Variants in ERCC2 observed in about 807,000 individuals in gnomAD.
ERCC2 encodes the protein general transcription and DNA repair factor IIH helicase subunit XPD.
Under a neutral mutation model 99.4 loss-of-function variants are expected in ERCC2, and 90 were observed. The observed-to-expected ratio is 0.91, with a 90% CI of 0.76 to 1.08. ERCC2 has a LOEUF of 1.08. Ranked by LOEUF, ERCC2 falls within the 50% of genes least tolerant of loss-of-function variation. ERCC2 has a pLI of 0.00. For missense variants in ERCC2, 993 were observed against 1,038.1 expected (o/e 0.96, Z 0.60); for synonymous variants, 497 against 432.4 (o/e 1.15, Z -1.85).
chr19:45,354,787 C>T lies in ERCC2; in HGVS notation c.1608G>A (p.Val536=), dbSNP rs763936572. 2 of 1,614,138 alleles carry T rather than the reference C, an allele frequency of 1.2e-6. No homozygotes were observed. Among genetic ancestry groups the T allele is most frequent in the Admixed American group, 3.3e-5 (2 of 60,028 alleles). Reference sequence around the variant, plus strand: ...TGTACTGGTAGCTGGTGAAGAAGGCCACGATGCCATCAGGGACCACAGCGG... The same window carrying T: ...TGTACTGGTAGCTGGTGAAGAAGGCTACGATGCCATCAGGGACCACAGCGG... ...EMSAVVPDGI[V]AFFTSYQYME... is the part of the protein sequence containing the mutation. Residue 536 remains valine, a synonymous_variant, in exon 17 of 23, where the codon GTG becomes GTA. Transcript: ENST00000391945.
chr19:45,356,350 C>T (rs1972012412), intron 15 of ERCC2, among the ~76,000 whole-genome samples: 1 of 152,180 alleles, frequency 6.6e-6, no homozygotes, highest in Admixed American at 6.5e-5. Context: ...AAAACCTGCC[C>T]TGCCCCGAGT....
intron 12 of ERCC2, among the ~76,000 whole-genome samples, chr19:45,359,282 T>C (rs1463361508): frequency 2.6e-5 from 4 of 151,870 alleles, no homozygotes; most frequent in Non-Finnish European, 5.9e-5. Context: ...AGATGGGAAA[T>C]AGTGGGTAGA....
rs147754569 is a variant in ERCC2, at chr19:45,369,009, G to T, written c.184-17C>A. On this transcript the variant is annotated splice_polypyrimidine_tract_variant and intron_variant, in intron 3 of 22. Transcript: ENST00000391945. ...CGGATATGCCTGCCGATAACAAGCG[G>T]ACTCAGTCCCTGTCCCGCCCCTTCC... 1.1e-5 allele frequency: 17 copies of T among 1,614,172 alleles called. No homozygotes were observed. The African/African-American group carries it at 1.7e-4, about 16-fold the overall frequency.
chr19:45,354,539 C>A (rs1408989813), intron 17 of ERCC2, among the ~76,000 whole-genome samples, 191 bp downstream of exon 17: 2 of 152,186 alleles, frequency 1.3e-5, no homozygotes, highest in Non-Finnish European at 2.9e-5. Flanking sequence ...TATCTGCATT[C>A]TCAGCCTGAT....
rs1031395038 is a variant in ERCC2, at chr19:45,357,557, A to G, written c.1308-14T>C. The stretch of plus-strand genomic sequence containing the variant: ...GCGTCCATGCAGCTGGAGAGAGATG[A>G]GGGCAGTGAGGGCCCGGGGGGCTGG... On this transcript the variant is annotated splice_polypyrimidine_tract_variant and intron_variant, in intron 13 of 22. Transcript: ENST00000391945. 6.2e-7 allele frequency: 1 copy of G among 1,613,948 alleles called. No individual in the cohort carries two copies. Among genetic ancestry groups the G allele is most frequent in the Non-Finnish European group, 8.5e-7 (1 of 1,179,974 alleles).
At position 45,350,974 on chromosome 19, in the gene ERCC2, T is replaced by C; in HGVS notation, c.*655A>G. 1 of 1,613,984 alleles carries C rather than the reference T, an allele frequency of 6.2e-7. No homozygotes were observed. Among genetic ancestry groups the C allele is most frequent in the Non-Finnish European group, 8.5e-7 (1 of 1,179,984 alleles). ...TGCAGAATGAAGAGAGCCATGTCAC[T>C]CAACACACTGAACGTGGATGCTCCA... On this transcript the variant is annotated 3_prime_UTR_variant, in exon 23 of 23. Coordinates refer to ENST00000391945, the MANE Select transcript of ERCC2 (RefSeq NM_000400.4).
chr19:45,370,129 C>T lies in ERCC2; in HGVS notation c.105+4G>A, dbSNP rs1972555966. ...TGGGCGGGTCGGGCCCACCGGCCACCCACCTTGGCGTCCAGCGTGCGTTTG... is the reference window on the plus strand; with the variant it reads ...TGGGCGGGTCGGGCCCACCGGCCACTCACCTTGGCGTCCAGCGTGCGTTTG... On this transcript the variant is annotated splice_donor_region_variant and intron_variant, in intron 2 of 22. Transcript: ENST00000391945. 6.2e-7 allele frequency: 1 copy of T among 1,612,724 alleles called. No individual in the cohort carries two copies. The highest frequency in any genetic ancestry group is 8.5e-7 in the Non-Finnish European group (1 of 1,179,178).
intron 12 of ERCC2, chr19:45,358,758 A>T (rs1313530998): frequency 5.3e-6 from 4 of 755,276 alleles, no homozygotes; most frequent in Non-Finnish European, 9.9e-6. Context: ...ACAACAATGT[A>T]TTTTTTTTCA....
chr19:45,351,191 G>C lies in ERCC2; in HGVS notation c.*438C>G. ...TACTTGGGGTAGAGGCGAGGGGGTT[G>C]GATAGTTGGCTGCCAGGCTGGACCT... On this transcript the variant is annotated 3_prime_UTR_variant, in exon 23 of 23. Coordinates refer to ENST00000391945, the MANE Select transcript of ERCC2 (RefSeq NM_000400.4). The C allele has an allele frequency of 6.3e-7, 1 of 1,585,356 alleles. No homozygotes were observed. Among genetic ancestry groups the C allele is most frequent in the South Asian group, 1.1e-5 (1 of 87,146 alleles).
chr19:45,355,558 G>A (rs995469689), intron 16 of ERCC2, 107 bp downstream of exon 16: 6 of 1,041,706 alleles, frequency 5.8e-6, no homozygotes, highest in Non-Finnish European at 7.6e-6. Context: ...ACTCTGGGCT[G>A]AGCAACTAAG....
At chr19:45,367,404 TAA>T (rs1486051796) in intron 5 of ERCC2, among the ~76,000 whole-genome samples, 2 of 149,578 alleles carry the variant, frequency 1.3e-5, no homozygotes, top group Non-Finnish European at 3.0e-5. Flanking sequence ...CACACACATA[TAA>T]AAACATATAT....
At position 45,351,130 on chromosome 19, in the gene ERCC2, T is replaced by A. The variant is rs140206614; in HGVS notation, c.*499A>T. ...GGAGTCAGCAGGTGGTGGGTTGGTG[T>A]CAGAAGAGACCCAGGACAGGAGCAA... On this transcript the variant is annotated 3_prime_UTR_variant, in exon 23 of 23. Coordinates refer to ENST00000391945, the MANE Select transcript of ERCC2 (RefSeq NM_000400.4). 6.2e-7 allele frequency: 1 copy of A among 1,603,078 alleles called. No individual in the cohort carries two copies. Among genetic ancestry groups the A allele is most frequent in the African/African-American group, 1.3e-5 (1 of 74,628 alleles).
chr19:45,350,951 C>CAGAA lies in ERCC2; in HGVS notation c.*674_*677dup, dbSNP rs767078695. On this transcript the variant is annotated 3_prime_UTR_variant, in exon 23 of 23. Transcript: ENST00000391945. ...CATTTCCTCCCTGCTGCCCTCTTTGCAGAATGAAGAGAGCCATGTCACTCA... is the reference window on the plus strand; with the variant it reads ...CATTTCCTCCCTGCTGCCCTCTTTGCAGAAAGAATGAAGAGAGCCATGTCACTCA... 10 of 1,613,930 alleles carry CAGAA rather than the reference C, an allele frequency of 6.2e-6. 1 individual carries two copies. In the South Asian group the frequency reaches 9.9e-5, roughly 16 times the overall value.
Position 45,351,357 on chromosome 19 carries a change from A to G in ERCC2, c.*272T>C, listed in dbSNP as rs748839560. 1.2e-6 allele frequency: 2 copies of G among 1,610,554 alleles called. No homozygotes were observed. The highest frequency in any genetic ancestry group is 1.1e-5 in the South Asian group (1 of 91,068). On this transcript the variant is annotated 3_prime_UTR_variant, in exon 23 of 23. Coordinates refer to ENST00000391945, the MANE Select transcript of ERCC2 (RefSeq NM_000400.4). ...GCACCCAGGACCTGAGCCCCCACTA[A>G]CGTCCAGTGAACTGCGCTGGCCGCA... is the stretch of plus-strand genomic sequence containing the variant.
chr19:45,363,791 A>C lies in ERCC2; in HGVS notation c.1070T>G (p.Phe357Cys). Reference protein sequence around the residue: ...QHVVQESPPAFLSGLAQRVCI... With the variant: ...QHVVQESPPACLSGLAQRVCI... ...CACGCGCTGGGCCAGGCCGCTCAGG[A>C]AGGCGGGCGGGCTCTCCTGCACCAC... Residue 357 changes from phenylalanine (F) to cysteine (C), a missense_variant, in exon 11 of 23, where the codon TTC becomes TGC. Phe to Cys is a radical substitution (Grantham distance 205). Transcript: ENST00000391945. 2 of 1,539,122 alleles carry C rather than the reference A, an allele frequency of 1.3e-6. No individual in the cohort carries two copies. The highest frequency in any genetic ancestry group is 2.4e-5 in the South Asian group (2 of 84,288).
chr19:45,353,603 T>TGGAGGG (rs1971906675), intron 17 of ERCC2, among the ~76,000 whole-genome samples: 1 of 152,022 alleles, frequency 6.6e-6, no homozygotes, highest in Non-Finnish European at 1.5e-5. Context: ...CAGCGATTGG[T>TGGAGGG]GGAGGGGCTG....
Position 45,350,640 on chromosome 19 carries a change from G to A in ERCC2, c.*989C>T, listed in dbSNP as rs757227601. 1.9e-6 allele frequency: 3 copies of A among 1,613,450 alleles called. No individual in the cohort carries two copies. The highest frequency in any genetic ancestry group is 2.2e-5 in the South Asian group (2 of 91,054). ...GAGCAGCATCCCCGGCCCCTCCCCA[G>A]GCCCTTCGCCGCAGCAGCTCACTCT... On this transcript the variant is annotated 3_prime_UTR_variant, in exon 23 of 23. Coordinates refer to ENST00000391945, the MANE Select transcript of ERCC2 (RefSeq NM_000400.4).
rs1247691553 is a variant in ERCC2 at position 45,351,475 on chromosome 19, A to C, written c.*154T>G. 2.5e-6 allele frequency: 4 copies of C among 1,585,356 alleles called. No homozygotes were observed. The highest frequency in any genetic ancestry group is 3.4e-6 in the Non-Finnish European group (4 of 1,170,038). Reference sequence around the variant, plus strand: ...CCCCTTGCCTCTGGGTACCTGGTGGATAGCTGCCTTCTCCTGCGATTAAAG... The same window carrying C: ...CCCCTTGCCTCTGGGTACCTGGTGGCTAGCTGCCTTCTCCTGCGATTAAAG... On this transcript the variant is annotated 3_prime_UTR_variant, in exon 23 of 23. Transcript: ENST00000391945.
chr19:45,354,684 C>T (rs1971951433), intron 17 of ERCC2, 46 bp downstream of exon 17: 1 of 1,611,304 alleles, frequency 6.2e-7, no homozygotes, highest in Admixed American at 1.7e-5. Context: ...GGTGCAGTGC[C>T]AGGGACTGAG....
Sources: allele counts gnomAD v4.1 joint callset (sites outside exome capture counted in the v4.1 genomes callset), GRCh38; gene constraint gnomAD v4.1.1; transcripts MANE v1.5; gene names NCBI Gene and HGNC (gene_info 2026-07-23, HGNC 2026-07-21).